Variants in PTPRN2 observed in about 807,000 individuals in gnomAD.
The protein encoded by PTPRN2 is receptor-type tyrosine-protein phosphatase N2.
PTPRN2 carries 74 observed loss-of-function variants against 118.8 expected under a neutral mutation model. That is an observed-to-expected ratio of 0.62 (90% CI 0.52 to 0.76). The LOEUF is 0.76. Among genes scored for constraint, PTPRN2 ranks in the 30% least tolerant of loss-of-function variants. The pLI, the probability that PTPRN2 is intolerant of heterozygous loss-of-function variation, is 0.00. For synonymous variants in PTPRN2, 641 were observed against 608.0 expected, an observed-to-expected ratio of 1.05 and a Z score of -0.80; for missense variants, 1,481 against 1,394.4, an observed-to-expected ratio of 1.06 and a Z score of -0.99.
intron 11 of PTPRN2, among the ~76,000 whole-genome samples, chr7:157,902,808 C>T (rs552281862): frequency 6.6e-5 from 10 of 152,280 alleles, no homozygotes; most frequent in African/African-American, 2.2e-4. Flanking sequence ...TGTGGTTCAA[C>T]GGCACCGTCT....
intron 2 of PTPRN2, among the ~76,000 whole-genome samples, chr7:158,441,905 G>A: frequency 2.3e-5 from 2 of 85,232 alleles, no homozygotes; most frequent in African/African-American, 4.7e-5. Flanking sequence ...GGTCATGGCA[G>A]TGGTGGTGAT....
chr7:157,607,165 T>C (rs1585099424), intron 15 of PTPRN2, among the ~76,000 whole-genome samples: 1 of 152,164 alleles, frequency 6.6e-6, no homozygotes, highest in African/African-American at 2.4e-5. Flanking sequence ...TGGCAGGAAA[T>C]TGTAATACAA....
chr7:158,455,865 C>T (rs62479989), intron 2 of PTPRN2, among the ~76,000 whole-genome samples: 49,922 of 111,806 alleles, frequency 0.45, 11,023 homozygotes, highest in Non-Finnish European at 0.47. Flanking sequence ...CATAACAGCA[C>T]GGATGCCATC....
At position 157,611,280 on chromosome 7, in the gene PTPRN2, C is replaced by G. The variant is rs1467903091; in HGVS notation, c.2345-7205G>C. ...ATCGGAAGCATGTTGGGCAGGTGAC[C>G]TGGGGCAGGTGGACTAGAAGGAGCC... On this transcript the variant is annotated intron_variant, in intron 15 of 22. Coordinates refer to ENST00000389418, the MANE Select transcript of PTPRN2 (RefSeq NM_002847.5). This position sits in a 1 kb window ranked among gnomAD's most constrained non-coding sequence, Gnocchi z 5.9. Among the ~76,000 whole-genome samples, 1 of 152,198 alleles carries G rather than the reference C, an allele frequency of 6.6e-6. No individual in the cohort carries two copies. The highest frequency in any genetic ancestry group is 1.5e-5 in the Non-Finnish European group (1 of 68,042).
At chr7:158,272,940 C>G (rs533232637) in intron 3 of PTPRN2, among the ~76,000 whole-genome samples, 124 of 152,344 alleles carry the variant, frequency 8.1e-4, no homozygotes, top group Non-Finnish European at 1.2e-3. Context: ...ACTCTGCTGA[C>G]AGTCCCACGG....
intron 12 of PTPRN2, among the ~76,000 whole-genome samples, chr7:157,872,587 T>C (rs1055312938): frequency 2.6e-5 from 4 of 152,264 alleles, no homozygotes; most frequent in African/African-American, 9.6e-5. Context: ...CCCTACCCAA[T>C]GCCCATGTAA....
chr7:157,898,842 C>T, intron 11 of PTPRN2, 105 bp from the exon 12 acceptor site: 1 of 959,210 alleles, frequency 1.0e-6, no homozygotes, highest in Non-Finnish European at 1.7e-6. Flanking sequence ...TACATGACTG[C>T]TTGACCCGCC....
chr7:158,232,880 C>T (rs1165099144), intron 3 of PTPRN2, among the ~76,000 whole-genome samples: 2 of 152,106 alleles, frequency 1.3e-5, no homozygotes, highest in African/African-American at 2.4e-5. Flanking sequence ...TTCAACATCC[C>T]TTTATGATAA....
chr7:158,379,594 C>T (rs1175646036), intron 2 of PTPRN2, among the ~76,000 whole-genome samples: 1 of 151,772 alleles, frequency 6.6e-6, no homozygotes, highest in Non-Finnish European at 1.5e-5. Context: ...TAAGAAATAG[C>T]ACAGACAAAG....
At chr7:157,882,833 G>A (rs557872153) in intron 12 of PTPRN2, among the ~76,000 whole-genome samples, 23 of 145,140 alleles carry the variant, frequency 1.6e-4, no homozygotes, top group African/African-American at 3.9e-4. Context: ...AATGACTGTC[G>A]GAGATAAAAA....
rs573505195 is a variant in PTPRN2 at position 157,604,033 on chromosome 7, C to T, written c.2387G>A (p.Ser796Asn). ...RVLLKAENSHSHSDYINASPI... is the reference protein window; with the variant it reads ...RVLLKAENSHNHSDYINASPI... Reference sequence around the variant, plus strand: ...GCTAGCGTTGATGTAGTCTGAGTGGCTGTGGCTGTTCTCCGCCTTCAGCAG... The same window carrying T: ...GCTAGCGTTGATGTAGTCTGAGTGGTTGTGGCTGTTCTCCGCCTTCAGCAG... The change falls in exon 16 of 23, where the codon AGC becomes AAC. Residue 796 changes from serine (S) to asparagine (N), a missense_variant. By Grantham distance (46) the Ser-to-Asn change is conservative (BLOSUM62 1). Transcript: ENST00000389418. 11 of 1,613,904 alleles carry T rather than the reference C, an allele frequency of 6.8e-6. No individual in the cohort carries two copies. In the South Asian group the frequency reaches 1.2e-4, roughly 18 times the overall value.
chr7:157,656,348 T>C lies in PTPRN2; in HGVS notation c.2196+9A>G, dbSNP rs576816061. 6 of 1,543,804 alleles carry C rather than the reference T, an allele frequency of 3.9e-6. No homozygotes were observed. The Admixed American group carries it at 9.8e-5, about 25-fold the overall frequency. ...TTTGTGTGGCAGGGAGTGCAAAGAC[T>C]GGGCTTACCAGGATCATGTGGCCGG... is the stretch of plus-strand genomic sequence containing the variant. On this transcript the variant is annotated intron_variant, in intron 14 of 22. Coordinates refer to ENST00000389418, the MANE Select transcript of PTPRN2 (RefSeq NM_002847.5).
At chr7:157,960,783 G>C (rs1471254364) in intron 11 of PTPRN2, among the ~76,000 whole-genome samples, 1 of 152,004 alleles carries the variant, frequency 6.6e-6, no homozygotes, top group Non-Finnish European at 1.5e-5. Flanking sequence ...GAGGCGGGTG[G>C]ATCACCTGAG....
chr7:158,194,072 G>T lies in PTPRN2; in HGVS notation c.381-1577C>A, dbSNP rs558878951. Reference sequence around the variant, plus strand: ...CTGTGCTCCAGCCTCAGGCAACAGAGGAAGACCCTGTTTCAACAACAACAA... The same window carrying T: ...CTGTGCTCCAGCCTCAGGCAACAGATGAAGACCCTGTTTCAACAACAACAA... On this transcript the variant is annotated intron_variant, in intron 4 of 22. Coordinates refer to ENST00000389418, the MANE Select transcript of PTPRN2 (RefSeq NM_002847.5). Among the ~76,000 whole-genome samples, 123 of 151,930 alleles carry T rather than the reference G, an allele frequency of 8.1e-4. 4 individuals carry two copies. Among genetic ancestry groups the T allele is most frequent in the Admixed American group, 7.8e-3 (119 of 15,284 alleles).
At position 157,784,305 on chromosome 7, in the gene PTPRN2, G is replaced by T. The variant is rs1260032480; in HGVS notation, c.1789-101368C>A. ...GCCTGCCCCCACCTCTGGGGTCTCA[G>T]CATCTGCACAGTGACGGATTAGGGG... On this transcript the variant is annotated intron_variant, in intron 12 of 22. Transcript: ENST00000389418. This position sits in a 1 kb window ranked among gnomAD's most constrained non-coding sequence, Gnocchi z 4.6. 6.6e-6 allele frequency among the ~76,000 whole-genome samples: 1 copy of T among 152,110 alleles called. No homozygotes were observed. Among genetic ancestry groups the T allele is most frequent in the Non-Finnish European group, 1.5e-5 (1 of 68,022 alleles).
In PTPRN2 at chr7:158,063,663, G is replaced by A. The variant is rs142874274; in HGVS notation, c.1723+17635C>T. On this transcript the variant is annotated intron_variant, in intron 11 of 22. Transcript: ENST00000389418. ...CTGCAGCTTCACTCCTGAGGCCAGC[G>A]AGACCACGAACCCACCAGAAAGAAG... is the stretch of plus-strand genomic sequence containing the variant. Among the ~76,000 whole-genome samples the A allele has an allele frequency of 1.4e-3, 217 of 152,246 alleles. 1 individual carries two copies. The highest frequency in any genetic ancestry group is 4.9e-3 in the African/African-American group (202 of 41,534).
chr7:158,379,446 GA>G (rs1445493027), intron 2 of PTPRN2, among the ~76,000 whole-genome samples: 1 of 152,180 alleles, frequency 6.6e-6, no homozygotes, highest in Admixed American at 6.5e-5. Flanking sequence ...ACACAGGAAG[GA>G]AAAGCTGCAT....
intron 9 of PTPRN2, 105 bp downstream of exon 9, chr7:158,133,571 AC>A: frequency 6.9e-7 from 1 of 1,443,920 alleles, no homozygotes; most frequent in Non-Finnish European, 9.2e-7. Flanking sequence ...AGTTGAAGAC[AC>A]TTAAAAGCGT....
chr7:157,620,692 C>T (rs953504572), intron 15 of PTPRN2, among the ~76,000 whole-genome samples: 9 of 152,144 alleles, frequency 5.9e-5, no homozygotes, highest in African/African-American at 9.7e-5. Context: ...TCCCCAGGCC[C>T]GTGCTGGAGG....
Sources: allele counts gnomAD v4.1 joint callset (sites outside exome capture counted in the v4.1 genomes callset), GRCh38; gene constraint gnomAD v4.1.1; non-coding constraint Gnocchi (gnomAD v3.1); transcripts MANE v1.5; gene names NCBI Gene and HGNC (gene_info 2026-07-23, HGNC 2026-07-21).